Variants in TFRC observed in about 807,000 individuals in gnomAD.
TFRC encodes the protein transferrin receptor.
TFRC carries 35 observed loss-of-function variants against 85.8 expected under a neutral mutation model. That is an observed-to-expected ratio of 0.41 (90% CI 0.31 to 0.54). The LOEUF (loss-of-function observed/expected upper bound fraction) is 0.54, where lower values mean the gene tolerates loss of function less well. TFRC is among the 20% of genes least tolerant of loss of function. The pLI is 0.31. For synonymous variants in TFRC, 362 were observed against 328.6 expected (o/e 1.10, Z -1.10); for missense variants, 828 against 921.5 (o/e 0.90, Z 1.31).
At position 196,052,320 on chromosome 3, in the gene TFRC, CAG is replaced by C. The variant is rs1474924790; in HGVS notation, c.2041-138_2041-137del. On this transcript the variant is annotated intron_variant, in intron 18 of 18. Coordinates refer to ENST00000360110, the MANE Select transcript of TFRC (RefSeq NM_001128148.3). ...TTTTTTTTTTTTTTTTTTTTTGACACAGAGTTTCGCTCTTGTTGCCCAGACTG... is the reference window on the plus strand; with the variant it reads ...TTTTTTTTTTTTTTTTTTTTTGACACAGTTTCGCTCTTGTTGCCCAGACTG... 51 of 897,636 alleles carry C rather than the reference CAG, an allele frequency of 5.7e-5. No homozygotes were observed. The East Asian group carries it at 7.4e-4, about 13-fold the overall frequency. The allele number at this position is 897,636 out of a possible 1,614,324, so 55.6% of individuals were successfully genotyped here.
chr3:196,051,803 A>G lies in TFRC; in HGVS notation c.*139T>C. 1 of 996,750 alleles carries G rather than the reference A, an allele frequency of 1.0e-6. No individual in the cohort carries two copies. The highest frequency in any genetic ancestry group is 1.5e-6 in the Non-Finnish European group (1 of 678,320). 61.7% of individuals were successfully genotyped at this position (996,750 alleles called of 1,614,324 possible). ...ACCCTGTATTAAAAGCTGCTGCCTA[A>G]AGACATCTAGTAGTACCAAGATGAT... On this transcript the variant is annotated 3_prime_UTR_variant, in exon 19 of 19. Transcript: ENST00000360110.
intron 17 of TFRC, among the ~76,000 whole-genome samples, chr3:196,054,169 C>T (rs1471648480): frequency 6.6e-5 from 10 of 152,076 alleles, no homozygotes; most frequent in African/African-American, 2.2e-4. Context: ...ACCCGGGAGG[C>T]GCATCTTACA....
At chr3:196,054,001 C>T (rs553566958) in intron 17 of TFRC, among the ~76,000 whole-genome samples, 78 of 152,250 alleles carry the variant, frequency 5.1e-4, no homozygotes, top group Non-Finnish European at 8.8e-4. Flanking sequence ...CTTTGGGAGG[C>T]CGAGGTGGGT....
chr3:196,063,693 C>T (rs1196073884), intron 11 of TFRC, among the ~76,000 whole-genome samples: 2 of 152,030 alleles, frequency 1.3e-5, no homozygotes, highest in Non-Finnish European at 2.9e-5. Flanking sequence ...GAGGCTGAGG[C>T]GGGTGAATCA....
intron 3 of TFRC, 53 bp from the exon 4 acceptor site, chr3:196,074,178 C>T: frequency 6.7e-7 from 1 of 1,486,586 alleles, no homozygotes; most frequent in Non-Finnish European, 9.2e-7. Context: ...GTAATCTATC[C>T]CTGTTAATCT....
chr3:196,058,268 A>T lies in TFRC; in HGVS notation c.1677+16T>A. On this transcript the variant is annotated intron_variant, in intron 16 of 18. Coordinates refer to ENST00000360110, the MANE Select transcript of TFRC (RefSeq NM_001128148.3). ...GAGAGCCTCTCTCCATTTGTCATTT[A>T]AATGAACAGACTTACCTCGCAAAAA... 1 of 1,607,484 alleles carries T rather than the reference A, an allele frequency of 6.2e-7. No individual in the cohort carries two copies. The highest frequency in any genetic ancestry group is 8.5e-7 in the Non-Finnish European group (1 of 1,175,138).
At position 196,055,140 on chromosome 3, in the gene TFRC, C is replaced by T. The variant is rs925017138; in HGVS notation, c.1839G>A (p.Arg613=). 6.2e-7 allele frequency: 1 copy of T among 1,614,170 alleles called. No homozygotes were observed. The highest frequency in any genetic ancestry group is 1.7e-4 in the Middle Eastern group (1 of 6,060). ...CAAATGAAAGCAGTTGGCTGTTGTA[C>T]CTCTCATAGTCCAGGTTCAATTCAA... ...HDVELNLDYE[R]YNSQLLSFVR... is the part of the protein sequence containing the mutation. The change falls in exon 17 of 19, where the codon AGG becomes AGA. Residue 613 remains arginine, a synonymous_variant. Coordinates refer to ENST00000360110, the MANE Select transcript of TFRC (RefSeq NM_001128148.3).
At chr3:196,074,920 G>A (rs189796761) in intron 3 of TFRC, among the ~76,000 whole-genome samples, 7 of 149,802 alleles carry the variant, frequency 4.7e-5, no homozygotes, top group East Asian at 2.0e-4. Context: ...GGTCGTGGGC[G>A]CCTATAGTCC....
intron 17 of TFRC, among the ~76,000 whole-genome samples, chr3:196,054,337 G>A (rs890768243): frequency 4.6e-5 from 7 of 152,282 alleles, no homozygotes; most frequent in African/African-American, 1.7e-4. Context: ...GCCGGGAGGT[G>A]GAGGTTGCAG....
intron 13 of TFRC, 26 bp downstream of exon 13, chr3:196,062,556 A>G: frequency 6.3e-7 from 1 of 1,594,038 alleles, no homozygotes. Context: ...CTGAATTCAT[A>G]CACAGCTAAT....
At chr3:196,059,719 C>T (rs1029418813) in intron 14 of TFRC, among the ~76,000 whole-genome samples, 9 of 150,768 alleles carry the variant, frequency 6.0e-5, no homozygotes, top group Non-Finnish European at 1.3e-4. Flanking sequence ...CCCACTAACT[C>T]GTCATCTAGC....
chr3:196,055,038 G>A, intron 17 of TFRC, 42 bp downstream of exon 17: 5 of 1,575,106 alleles, frequency 3.2e-6, no homozygotes, highest in Non-Finnish European at 4.4e-6. Flanking sequence ...CAAAATACTT[G>A]ACATTCAGCA....
chr3:196,052,657 T>G (rs1716429777), intron 18 of TFRC, among the ~76,000 whole-genome samples: 1 of 151,970 alleles, frequency 6.6e-6, no homozygotes, highest in Admixed American at 6.6e-5. Flanking sequence ...GTCAGGCTGG[T>G]CTTGAACTCC....
intron 11 of TFRC, 110 bp downstream of exon 11, chr3:196,064,199 G>A (rs766033445): frequency 2.1e-5 from 25 of 1,208,972 alleles, no homozygotes; most frequent in Non-Finnish European, 2.7e-5. Context: ...AAGAACTAGA[G>A]TCTAGCATGA....
At chr3:196,063,308 T>C (rs1265014640) in intron 11 of TFRC, 2 of 157,218 alleles carry the variant, frequency 1.3e-5, no homozygotes, top group Non-Finnish European at 2.8e-5. Flanking sequence ...GATGCACATC[T>C]TGAGAAAAAT....
rs780694532 is a variant in TFRC, at chr3:196,067,504, A to C, written c.1040+14T>G. Reference sequence around the variant, plus strand: ...AACCTCACTATGCAAGACCGCTTTCAAATAAAAACTTACCCAAACAGCTTT... The same window carrying C: ...AACCTCACTATGCAAGACCGCTTTCCAATAAAAACTTACCCAAACAGCTTT... On this transcript the variant is annotated intron_variant, in intron 9 of 18. Transcript: ENST00000360110. 1.2e-6 allele frequency: 2 copies of C among 1,612,380 alleles called. No individual in the cohort carries two copies. The highest frequency in any genetic ancestry group is 2.2e-5 in the South Asian group (2 of 90,796).
intron 10 of TFRC, among the ~76,000 whole-genome samples, chr3:196,064,972 C>T (rs1261429894): frequency 6.6e-6 from 1 of 152,158 alleles, no homozygotes; most frequent in Non-Finnish European, 1.5e-5. Flanking sequence ...AAAACTGACA[C>T]ATAGGCTGGG....
chr3:196,053,677 A>C, intron 17 of TFRC, 119 bp from the exon 18 acceptor site: 42 of 1,224,194 alleles, frequency 3.4e-5, no homozygotes, highest in Non-Finnish European at 4.4e-5. Flanking sequence ...AGATAAGCTC[A>C]AGACTCCGAA....
At chr3:196,061,340 T>C (rs1017766429) in intron 13 of TFRC, among the ~76,000 whole-genome samples, 20 of 152,228 alleles carry the variant, frequency 1.3e-4, no homozygotes, top group Non-Finnish European at 2.1e-4. Context: ...TCCAGACTTA[T>C]GGTCCTAAAA....
Sources: gnomAD v4.1 joint callset for allele counts (sites outside exome capture counted in the v4.1 genomes callset) on GRCh38, gnomAD v4.1.1 for gene constraint, MANE v1.5 for transcripts, NCBI Gene and HGNC (gene_info 2026-07-23, HGNC 2026-07-21) for gene names.